The following STAM variants were observed in gnomAD, a reference collection of about 807,000 sequenced individuals.
STAM encodes the protein signal transducing adaptor molecule, also known as signal transducing adapter molecule 1.
A neutral mutation model predicts 63.4 loss-of-function variants in STAM; 16 were observed. The observed-to-expected ratio is 0.25, with a 90% CI of 0.17 to 0.38. STAM has a LOEUF of 0.38. Ranked by LOEUF, STAM falls within the 10% of genes least tolerant of loss-of-function variation. The probability of loss-of-function intolerance (pLI) is 1.00; values close to 1 mark genes in which losing one functional copy is unlikely to be tolerated. For missense variants in STAM, 636 were observed against 657.1 expected, an observed-to-expected ratio of 0.97 and a Z score of 0.35; for synonymous variants, 238 against 223.9, an observed-to-expected ratio of 1.06 and a Z score of -0.56.
At chr10:17,690,734 AAAT>A (rs1835494362) in intron 5 of STAM, among the ~76,000 whole-genome samples, 1 of 152,224 alleles carries the variant, frequency 6.6e-6, no homozygotes, top group South Asian at 2.1e-4. Flanking sequence ...GTACAGAAGA[AAAT>A]AATGTAAAAA....
Position 17,708,265 on chromosome 10 carries a change from A to C in STAM, c.1210-511A>C, listed in dbSNP as rs1004042102. Among the ~76,000 whole-genome samples, 106 of 152,324 alleles carry C rather than the reference A, an allele frequency of 7.0e-4. 2 individuals are homozygous for C. Among genetic ancestry groups the C allele is most frequent in the Non-Finnish European group, 2.5e-4 (17 of 68,030 alleles). On this transcript the variant is annotated intron_variant, in intron 12 of 13. Transcript: ENST00000377524. ...GCCGAGTAGTTGTGTCAGAGACTACATGGTCCACAAAACTTAAAATATTTA... is the reference window on the plus strand; with the variant it reads ...GCCGAGTAGTTGTGTCAGAGACTACCTGGTCCACAAAACTTAAAATATTTA...
chr10:17,707,491 C>T (rs1392819908), intron 12 of STAM, among the ~76,000 whole-genome samples: 1 of 152,010 alleles, frequency 6.6e-6, no homozygotes, highest in Non-Finnish European at 1.5e-5. Flanking sequence ...TGGGCACGGA[C>T]TGTGTTCAGA....
intron 9 of STAM, 143 bp downstream of exon 9, chr10:17,700,422 T>C: frequency 1.8e-6 from 1 of 556,040 alleles, no homozygotes; most frequent in Non-Finnish European, 3.1e-6. Context: ...ATATAGACGA[T>C]GCAGACTGTT....
rs782057734 is a variant in STAM, at chr10:17,684,847, G to T, written c.217G>T (p.Val73Leu). ...GTGCTTTTAGCTTCTAGGAGCATGT[G>T]TATCAAACTGTGGCAAAATTTTTCA... Reference protein sequence around the residue: ...MQALTLLGACVSNCGKIFHLE... With the variant: ...MQALTLLGACLSNCGKIFHLE... The change falls in exon 4 of 14, where the codon GTA becomes TTA. Residue 73 changes from valine (V) to leucine (L), a missense_variant. Around this residue, in one of 3 missense-constraint regions of STAM, gnomAD observed 17 missense variants for 39.9 expected, o/e 0.43. Coordinates refer to ENST00000377524, the MANE Select transcript of STAM (RefSeq NM_003473.4). 6.2e-7 allele frequency: 1 copy of T among 1,613,888 alleles called. No individual in the cohort carries two copies. Among genetic ancestry groups the T allele is most frequent in the Admixed American group, 1.7e-5 (1 of 60,004 alleles).
In STAM at chr10:17,713,175, C is replaced by T. The variant is rs140657702; in HGVS notation, c.1386-1368C>T. On this transcript the variant is annotated intron_variant, in intron 13 of 13. Transcript: ENST00000377524. Reference sequence around the variant, plus strand: ...TCTTTTCCCTTCTGCCTCACCGCCACTTCTTCTCAGCCTCATTTGCCTCTT... The same window carrying T: ...TCTTTTCCCTTCTGCCTCACCGCCATTTCTTCTCAGCCTCATTTGCCTCTT... Among the ~76,000 whole-genome samples the T allele has an allele frequency of 1.1e-3, 171 of 152,294 alleles. 2 individuals carry two copies. The highest frequency in any genetic ancestry group is 3.7e-4 in the Non-Finnish European group (25 of 68,018).
At chr10:17,667,674 T>C (rs1205671871) in intron 2 of STAM, among the ~76,000 whole-genome samples, 2 of 152,208 alleles carry the variant, frequency 1.3e-5, no homozygotes, top group African/African-American at 4.8e-5. Context: ...CAGATGATGG[T>C]CAATAGCTAA....
chr10:17,657,079 C>T (rs1833969248), intron 1 of STAM, among the ~76,000 whole-genome samples: 1 of 152,084 alleles, frequency 6.6e-6, no homozygotes, highest in South Asian at 2.1e-4. Flanking sequence ...GTGGAGTGCC[C>T]CAGGAAGGTC....
chr10:17,702,806 G>C (rs2131677374), intron 9 of STAM, among the ~76,000 whole-genome samples: 1 of 152,160 alleles, frequency 6.6e-6, no homozygotes, highest in South Asian at 2.1e-4. Context: ...TCAGGACATT[G>C]AGACCATCCT....
In STAM at chr10:17,695,082, A is replaced by C. The variant is rs1378211253; in HGVS notation, c.569A>C (p.Gln190Pro). 2 of 1,613,862 alleles carry C rather than the reference A, an allele frequency of 1.2e-6. No individual in the cohort carries two copies. Among genetic ancestry groups the C allele is most frequent in the Non-Finnish European group, 1.7e-6 (2 of 1,179,916 alleles). The stretch of plus-strand genomic sequence containing the variant: ...TTGTCTCTCAAGGAACAAAGGCAGC[A>C]GTCAACCACCCTTTCCACTTTGTAT... The part of the protein sequence containing the change: ...IELSLKEQRQ[Q>P]STTLSTLYPS... Residue 190 changes from glutamine to proline, a missense_variant, in exon 7 of 14, where the codon CAG becomes CCG. Coordinates refer to ENST00000377524, the MANE Select transcript of STAM (RefSeq NM_003473.4).
chr10:17,670,285 C>A (rs1289058902), intron 2 of STAM, among the ~76,000 whole-genome samples: 1 of 152,154 alleles, frequency 6.6e-6, no homozygotes, highest in Non-Finnish European at 1.5e-5. Flanking sequence ...TAGAATGAGA[C>A]TTATAGAATT....
At chr10:17,681,696 G>A (rs1554825399) in intron 2 of STAM, among the ~76,000 whole-genome samples, 2 of 152,124 alleles carry the variant, frequency 1.3e-5, no homozygotes, top group East Asian at 3.9e-4. Context: ...TGAATTTATT[G>A]GGAGGCATAT....
chr10:17,660,677 G>C, intron 2 of STAM, 129 bp downstream of exon 2: 2 of 585,322 alleles, frequency 3.4e-6, no homozygotes, highest in South Asian at 2.8e-5. Context: ...CTTGAGCCCA[G>C]GAGTTAGAGG....
intron 2 of STAM, among the ~76,000 whole-genome samples, chr10:17,676,813 A>G (rs1834876869): frequency 6.6e-6 from 1 of 152,144 alleles, no homozygotes; most frequent in Non-Finnish European, 1.5e-5. Context: ...ACTCACGTTA[A>G]ATTCACTTAT....
At chr10:17,673,210 A>G (rs187804963) in intron 2 of STAM, 1 of 174,176 alleles carries the variant, frequency 5.7e-6, no homozygotes, top group Non-Finnish European at 1.1e-5. Context: ...TCCCAGCACT[A>G]CTTATTGTGC....
rs1419273629 is a variant in STAM, at chr10:17,716,576, C to T, written c.*1796C>T. Among the ~76,000 whole-genome samples, 1 of 152,120 alleles carries T rather than the reference C, an allele frequency of 6.6e-6. No individual in the cohort carries two copies. Among genetic ancestry groups the T allele is most frequent in the African/African-American group, 2.4e-5 (1 of 41,408 alleles). On this transcript the variant is annotated 3_prime_UTR_variant, in exon 14 of 14. Transcript: ENST00000377524. ...TGAGTATTATGGTTTAACTGATATA[C>T]TTTTCTGCAATTTTTCTTTGTCTTT...
At chr10:17,665,862 C>G (rs1377053399) in intron 2 of STAM, among the ~76,000 whole-genome samples, 1 of 152,020 alleles carries the variant, frequency 6.6e-6, no homozygotes, top group Non-Finnish European at 1.5e-5. Context: ...TCAAGATATT[C>G]ACATGATTTC....
rs1256952565 is a variant in STAM at position 17,714,584 on chromosome 10, A to G, written c.1427A>G (p.Gln476Arg). ...GTTCAAGGAAACACATATCCCAGCCAGGCGCCAGTATATAGTCCTCCTCCT... is the reference window on the plus strand; with the variant it reads ...GTTCAAGGAAACACATATCCCAGCCGGGCGCCAGTATATAGTCCTCCTCCT... ...SSVQGNTYPS[Q>R]APVYSPPPAA... is the part of the protein sequence containing the mutation. The change falls in exon 14 of 14, where the codon CAG becomes CGG. Residue 476 changes from glutamine (Q) to arginine (R), a missense_variant. Gln to Arg is a conservative substitution (Grantham distance 43). Around this residue, in one of 3 missense-constraint regions of STAM, gnomAD observed 532 missense variants for 536.9 expected, o/e 0.99. Transcript: ENST00000377524. 1.9e-6 allele frequency: 3 copies of G among 1,614,166 alleles called. No homozygotes were observed. The highest frequency in any genetic ancestry group is 1.7e-6 in the Non-Finnish European group (2 of 1,180,038).
chr10:17,655,559 C>G (rs559881965), intron 1 of STAM, among the ~76,000 whole-genome samples: 8 of 152,254 alleles, frequency 5.3e-5, no homozygotes, highest in African/African-American at 1.9e-4. Context: ...AATATTTGGT[C>G]AGAGTTGACT....
At chr10:17,689,505 T>TA (rs879963081) in intron 5 of STAM, among the ~76,000 whole-genome samples, 3 of 152,198 alleles carry the variant, frequency 2.0e-5, no homozygotes, top group Non-Finnish European at 4.4e-5. Flanking sequence ...AAAATTTTCT[T>TA]AAAAAAATTA....
Sources: allele counts gnomAD v4.1 joint callset (sites outside exome capture counted in the v4.1 genomes callset), GRCh38; gene constraint gnomAD v4.1.1; regional missense constraint gnomAD v4.1.1; transcripts MANE v1.5; gene names NCBI Gene and HGNC (gene_info 2026-07-23, HGNC 2026-07-21).